RBPMS: variants seen among roughly 807,000 people sequenced by gnomAD.
RBPMS encodes the protein RNA binding protein, mRNA processing factor, also known as RNA-binding protein with multiple splicing.
A neutral mutation model predicts 26.8 loss-of-function variants in RBPMS; 7 were observed. The ratio of observed to expected loss-of-function variants is 0.26; its 90% CI spans 0.15 to 0.49. RBPMS has a LOEUF of 0.49. Ranked by LOEUF, RBPMS falls within the 20% of genes least tolerant of loss-of-function variation. RBPMS has a pLI of 0.98. For synonymous variants in RBPMS, 96 were observed against 93.3 expected (o/e 1.03, Z -0.17); for missense variants, 186 against 250.0 (o/e 0.74, Z 1.73).
intron 6 of RBPMS, among the ~76,000 whole-genome samples, chr8:30,555,020 C>T (rs1447904959): frequency 6.6e-6 from 1 of 152,118 alleles, no homozygotes; most frequent in African/African-American, 2.4e-5. Flanking sequence ...TCCTTGGCAT[C>T]AGTATTAGGA....
Position 30,549,742 on chromosome 8 carries a change from C to CTTTCTTTCCT in RBPMS, c.528+5126_528+5135dup, listed in dbSNP as rs1554543783. Reference sequence around the variant, plus strand: ...CTGGAGGCGATTTCTTTCTTTCTTTCTTTCTTTCCTTTTCTTTTCTTTTCT... The same window carrying CTTTCTTTCCT: ...CTGGAGGCGATTTCTTTCTTTCTTTCTTTCTTTCCTTTTCTTTCCTTTTCTTTTCTTTTCT... On this transcript the variant is annotated intron_variant, in intron 6 of 8. Transcript: ENST00000397323. Among the ~76,000 whole-genome samples, 227 of 143,852 alleles carry CTTTCTTTCCT rather than the reference C, an allele frequency of 1.6e-3. 2 individuals are homozygous for CTTTCTTTCCT. The highest frequency in any genetic ancestry group is 5.7e-3 in the African/African-American group (213 of 37,186). The allele number at this position is 143,852 out of a possible 152,430, so 94.4% of individuals were successfully genotyped here.
At chr8:30,518,852 C>T (rs1822678136) in intron 5 of RBPMS, among the ~76,000 whole-genome samples, 1 of 151,438 alleles carries the variant, frequency 6.6e-6, no homozygotes, top group South Asian at 2.1e-4. Context: ...ATAGATGGAG[C>T]AGAGAGTAAG....
intron 4 of RBPMS, among the ~76,000 whole-genome samples, chr8:30,482,938 C>A (rs1280593490): frequency 6.6e-6 from 1 of 152,094 alleles, no homozygotes; most frequent in Non-Finnish European, 1.5e-5. Flanking sequence ...AGGCAGTTAG[C>A]TAGATTTAGG....
At chr8:30,536,613 A>C (rs1488638434) in intron 5 of RBPMS, among the ~76,000 whole-genome samples, 1 of 152,128 alleles carries the variant, frequency 6.6e-6, no homozygotes, top group Non-Finnish European at 1.5e-5. Flanking sequence ...TTATACTAAA[A>C]CACTGTTTTT....
intron 5 of RBPMS, among the ~76,000 whole-genome samples, chr8:30,516,644 A>T (rs991465159): frequency 6.6e-6 from 1 of 152,234 alleles, no homozygotes; most frequent in Admixed American, 6.5e-5. Context: ...TGGAAATTAA[A>T]CAAAAATTTT....
At chr8:30,533,314 A>G (rs1824434117) in intron 5 of RBPMS, among the ~76,000 whole-genome samples, 1 of 152,230 alleles carries the variant, frequency 6.6e-6, no homozygotes, top group Admixed American at 6.5e-5. Flanking sequence ...GAAGGAAAGC[A>G]ACTCTCAGGC....
At chr8:30,570,124 AT>A (rs1828167934) in intron 8 of RBPMS, among the ~76,000 whole-genome samples, 1 of 152,236 alleles carries the variant, frequency 6.6e-6, no homozygotes, top group Non-Finnish European at 1.5e-5. Context: ...TCACCTAAAT[AT>A]TCTCATTTCA....
intron 1 of RBPMS, among the ~76,000 whole-genome samples, chr8:30,431,342 T>C (rs1811903960): frequency 8.2e-6 from 1 of 121,282 alleles, no homozygotes; most frequent in Non-Finnish European, 1.7e-5. Flanking sequence ...TTCTTTCTTT[T>C]CTTTTTTTTT....
chr8:30,561,682 G>A (rs1050615745), intron 7 of RBPMS, among the ~76,000 whole-genome samples: 3 of 152,276 alleles, frequency 2.0e-5, no homozygotes, highest in East Asian at 1.9e-4. Context: ...AGCAGGGTGC[G>A]CCGGCCACTT....
At chr8:30,491,704 A>T (rs1391315788) in intron 4 of RBPMS, among the ~76,000 whole-genome samples, 1 of 152,120 alleles carries the variant, frequency 6.6e-6, no homozygotes, top group East Asian at 1.9e-4. Context: ...CCAGCCACTA[A>T]TAAAAGCTCA....
At chr8:30,506,336 TAA>T (rs34344286) in intron 5 of RBPMS, among the ~76,000 whole-genome samples, 32,663 of 131,944 alleles carry the variant, frequency 0.25, 4,108 homozygotes, top group East Asian at 0.39. Flanking sequence ...ATTTGAAGTT[TAA>T]AAAAAAAAAA....
At chr8:30,538,508 G>A (rs561236779) in intron 5 of RBPMS, among the ~76,000 whole-genome samples, 3 of 152,170 alleles carry the variant, frequency 2.0e-5, no homozygotes, top group East Asian at 1.9e-4. Flanking sequence ...CACCCGCTTC[G>A]GCCTCCCAAA....
chr8:30,464,451 C>G (rs1816279118), intron 1 of RBPMS, among the ~76,000 whole-genome samples: 1 of 152,166 alleles, frequency 6.6e-6, no homozygotes, highest in South Asian at 2.1e-4. Context: ...CACACCTTCT[C>G]TAATTGTTAG....
intron 5 of RBPMS, among the ~76,000 whole-genome samples, chr8:30,514,651 G>A (rs1822094810): frequency 6.9e-6 from 1 of 144,508 alleles, no homozygotes; most frequent in Non-Finnish European, 1.5e-5. Context: ...CCAGTAGCTG[G>A]GACTACGGGT....
intron 4 of RBPMS, among the ~76,000 whole-genome samples, chr8:30,501,526 C>G (rs1290243519): frequency 1.3e-5 from 2 of 152,058 alleles, no homozygotes; most frequent in Admixed American, 6.6e-5. Context: ...TATATGGAAC[C>G]TGCATTTGTA....
intron 6 of RBPMS, chr8:30,549,370 C>CG: frequency 1.3e-6 from 1 of 752,838 alleles, no homozygotes; most frequent in Non-Finnish European, 2.3e-6. Context: ...TGTGGCTATC[C>CG]GGAAAACGAC....
intron 1 of RBPMS, among the ~76,000 whole-genome samples, chr8:30,422,808 C>T (rs1307289844): frequency 6.6e-6 from 1 of 152,172 alleles, no homozygotes; most frequent in African/African-American, 2.4e-5. Context: ...ATAACAAATG[C>T]ACTTTTAAAA....
intron 6 of RBPMS, among the ~76,000 whole-genome samples, chr8:30,557,781 C>T (rs886167557): frequency 2.0e-5 from 3 of 152,206 alleles, no homozygotes; most frequent in Admixed American, 6.5e-5. Context: ...CAGTGGGAGG[C>T]GGGCATCTCT....
intron 5 of RBPMS, among the ~76,000 whole-genome samples, chr8:30,529,300 A>G (rs1379788048): frequency 6.6e-6 from 1 of 152,032 alleles, no homozygotes; most frequent in Non-Finnish European, 1.5e-5. Context: ...CATCAATTAT[A>G]TTCACAGTGT....
Sources: allele counts gnomAD v4.1 joint callset (sites outside exome capture counted in the v4.1 genomes callset), GRCh38; gene constraint gnomAD v4.1.1; transcripts MANE v1.5; gene names NCBI Gene and HGNC (gene_info 2026-07-23, HGNC 2026-07-21).